Variants in IL4I1 observed in about 807,000 individuals in gnomAD.
IL4I1 encodes interleukin 4 induced 1, also known as L-amino-acid oxidase.
IL4I1 carries 24 observed loss-of-function variants against 29.7 expected under a neutral mutation model. That is an observed-to-expected ratio of 0.81 (90% CI 0.59 to 1.14). The LOEUF (loss-of-function observed/expected upper bound fraction) is 1.14, where lower values mean the gene tolerates loss of function less well. IL4I1 is among the 50% of genes most tolerant of loss of function. The pLI is 0.00. For synonymous variants in IL4I1, 371 were observed against 352.5 expected (o/e 1.05, Z -0.59); for missense variants, 686 against 785.6 (o/e 0.87, Z 1.52).
At chr19:49,903,838 T>TG (rs950725262) in intron 3 of IL4I1, among the ~76,000 whole-genome samples, 2 of 140,148 alleles carry the variant, frequency 1.4e-5, no homozygotes, top group African/African-American at 5.5e-5. Context: ...GGGTTTTTTT[T>TG]TTTTTTTTTT....
chr19:49,909,929 G>A lies in IL4I1; in HGVS notation c.-227-5608C>T, dbSNP rs1456547858. 2.8e-6 allele frequency: 3 copies of A among 1,067,234 alleles called. No individual in the cohort carries two copies. In the African/African-American group the frequency reaches 4.7e-5, roughly 17 times the overall value. 66.1% of individuals were successfully genotyped at this position (1,067,234 alleles called of 1,614,324 possible). On this transcript the variant is annotated intron_variant, in intron 2 of 9. Transcript: ENST00000341114. ...ATTGTCAGATGGCAGTTTTGGAAAG[G>A]CAAGCTCAGTGGCATGACTGGGCAC...
In IL4I1 at chr19:49,895,178, G is replaced by A. The variant is rs1435043931; in HGVS notation, c.255C>T (p.Val85=). The A allele has an allele frequency of 6.2e-7, 1 of 1,613,216 alleles. No individual in the cohort carries two copies. The highest frequency in any genetic ancestry group is 8.5e-7 in the Non-Finnish European group (1 of 1,179,398). The change falls in exon 4 of 8, where the codon GTC becomes GTT. Residue 85 remains valine (V), a splice_region_variant and synonymous_variant. Transcript: ENST00000391826. ...TCCTGTTATCTGCCTCCAGGATGGT[G>A]ACCTGAGGGAGTCCGTGGGGCGAGG... is the stretch of plus-strand genomic sequence containing the variant. ...AKVLSDAGHK[V]TILEADNRIG... is the part of the protein sequence containing the mutation.
At chr19:49,904,991 T>C (rs1411428111) in intron 2 of IL4I1, among the ~76,000 whole-genome samples, 43 of 152,258 alleles carry the variant, frequency 2.8e-4, no homozygotes, top group Admixed American at 2.7e-3. Flanking sequence ...ATTACAGGCA[T>C]GAGCCACCGT....
intron 2 of IL4I1, chr19:49,906,874 T>C (rs2075333132): frequency 2.6e-5 from 4 of 152,242 alleles, no homozygotes; most frequent in Non-Finnish European, 2.9e-5. Context: ...CAGTAATAGG[T>C]ATTTCAGAGA....
intron 2 of IL4I1, chr19:49,907,411 C>A: frequency 2.5e-6 from 1 of 392,316 alleles, no homozygotes. Flanking sequence ...GACCTGTCTT[C>A]TGTGAAATTC....
At chr19:49,927,993 G>A (rs2075947403) in intron 1 of IL4I1, 1 of 152,254 alleles carries the variant, frequency 6.6e-6, no homozygotes, top group Non-Finnish European at 1.5e-5. Flanking sequence ...GGAAGCCAAG[G>A]GCAAGGGATG....
chr19:49,890,608 C>A lies in IL4I1; in HGVS notation c.774-8G>T, dbSNP rs2075121141. 8.1e-7 allele frequency: 1 copy of A among 1,237,986 alleles called. No individual in the cohort carries two copies. 76.7% of individuals were successfully genotyped at this position (1,237,986 alleles called of 1,614,324 possible). A position where few individuals can be genotyped will look rare whatever the true frequency, so the allele number is the denominator to read the frequency against. ...CCCACGATGCGGCTGTACCTGCAGG[C>A]GGGGCGGGGCGGGGTGGGGGCGTGA... On this transcript the variant is annotated splice_polypyrimidine_tract_variant and splice_region_variant and intron_variant, in intron 7 of 7. Transcript: ENST00000391826.
chr19:49,926,326 T>A (rs1358500070), intron 2 of IL4I1, among the ~76,000 whole-genome samples: 2 of 151,686 alleles, frequency 1.3e-5, no homozygotes, highest in Non-Finnish European at 2.9e-5. Context: ...AGTCAGGAGT[T>A]CAAGACCAGC....
intron 2 of IL4I1, among the ~76,000 whole-genome samples, chr19:49,923,213 A>G (rs932751631): frequency 6.6e-6 from 1 of 152,076 alleles, no homozygotes; most frequent in Non-Finnish European, 1.5e-5. Context: ...CCTCTCCCCA[A>G]CTGAGCTGGC....
chr19:49,889,899 G>C lies in IL4I1; in HGVS notation c.1475C>G (p.Thr492Arg). 6.2e-7 allele frequency: 1 copy of C among 1,608,230 alleles called. No homozygotes were observed. Among genetic ancestry groups the C allele is most frequent in the Non-Finnish European group, 8.5e-7 (1 of 1,177,150 alleles). The part of the protein sequence containing the change: ...HTAYPHGWVE[T>R]AVKSALRAAI... ...GGCGCGCAGCGCCGACTTGACCGCCGTCTCCACCCAGCCGTGCGGGTAGGC... is the reference window on the plus strand; with the variant it reads ...GGCGCGCAGCGCCGACTTGACCGCCCTCTCCACCCAGCCGTGCGGGTAGGC... The change falls in exon 8 of 8, where the codon ACG becomes AGG. Residue 492 changes from threonine to arginine, a missense_variant. By Grantham distance (71) the Thr-to-Arg change is moderately conservative. Transcript: ENST00000391826.
At chr19:49,896,261 C>A (rs1461621793) in intron 1 of IL4I1, 79 bp from the exon 2 acceptor site, 2 of 1,442,994 alleles carry the variant, frequency 1.4e-6, no homozygotes, top group African/African-American at 2.9e-5. Context: ...CCATGGGCTG[C>A]CCAGCTGCTA....
At chr19:49,916,677 T>C (rs2075632109) in intron 2 of IL4I1, among the ~76,000 whole-genome samples, 1 of 151,288 alleles carries the variant, frequency 6.6e-6, no homozygotes, top group South Asian at 2.1e-4. Flanking sequence ...GGCAGGAGAA[T>C]GGCATCAACC....
At chr19:49,922,595 T>C (rs2075791613) in intron 2 of IL4I1, among the ~76,000 whole-genome samples, 1 of 151,700 alleles carries the variant, frequency 6.6e-6, no homozygotes, top group Non-Finnish European at 1.5e-5. Context: ...ATGACAGCTG[T>C]GGGGAGGGGA....
chr19:49,901,658 G>T, upstream of IL4I1: 1 of 1,531,202 alleles, frequency 6.5e-7, no homozygotes, highest in Non-Finnish European at 8.8e-7. Flanking sequence ...GCCTCTGGGG[G>T]GCTCTCTCAG....
At chr19:49,912,982 C>G (rs1022278512) in intron 2 of IL4I1, 1 of 150,486 alleles carries the variant, frequency 6.6e-6, no homozygotes. Context: ...AGCCACGGTC[C>G]CTGCCCTCAA....
chr19:49,918,986 C>CA (rs1037315655), intron 2 of IL4I1, among the ~76,000 whole-genome samples: 44 of 148,208 alleles, frequency 3.0e-4, no homozygotes, highest in East Asian at 1.4e-3. Flanking sequence ...CCCATCTCTA[C>CA]AAAAAAAAAT....
intron 7 of IL4I1, 42 bp downstream of exon 7, chr19:49,890,929 G>GTC: frequency 1.1e-5 from 5 of 454,450 alleles, no homozygotes; most frequent in South Asian, 6.9e-5. Flanking sequence ...TTCCCTGATT[G>GTC]CCCCCCGCCC....
At chr19:49,900,245 A>AG (rs1341714666), upstream of IL4I1, among the ~76,000 whole-genome samples, 2 of 152,206 alleles carry the variant, frequency 1.3e-5, no homozygotes, top group Non-Finnish European at 2.9e-5. Flanking sequence ...AATACATCAG[A>AG]CAGGCCAGGT....
At chr19:49,915,855 G>A (rs1219409467) in intron 2 of IL4I1, among the ~76,000 whole-genome samples, 3 of 152,218 alleles carry the variant, frequency 2.0e-5, no homozygotes, top group Non-Finnish European at 4.4e-5. Context: ...ACCCAGCCAC[G>A]ATAGGCCATC....
Sources: allele counts gnomAD v4.1 joint callset (sites outside exome capture counted in the v4.1 genomes callset), GRCh38; gene constraint gnomAD v4.1.1; transcripts MANE v1.5; gene names NCBI Gene and HGNC (gene_info 2026-07-23, HGNC 2026-07-21).